The following DLC1 variants were observed in gnomAD, a reference collection of about 807,000 sequenced individuals.
DLC1 encodes the protein DLC1 Rho GTPase activating protein, also known as rho GTPase-activating protein 7.
A neutral mutation model predicts 140.3 loss-of-function variants in DLC1; 54 were observed. That is an observed-to-expected ratio of 0.38 (90% CI 0.31 to 0.48). The LOEUF is 0.48. DLC1 is among the 20% of genes least tolerant of loss of function. DLC1 has a pLI of 0.96. For missense variants in DLC1, 2,536 were observed against 1,907.0 expected (o/e 1.33, Z -6.14); for synonymous variants, 986 against 728.1 (o/e 1.35, Z -5.70).
chr8:13,259,139 G>GAAAAAAAA (rs776038964), intron 5 of DLC1, among the ~76,000 whole-genome samples: 5 of 66,638 alleles, frequency 7.5e-5, no homozygotes, highest in East Asian at 4.2e-4. Flanking sequence ...TCCGTCTCAA[G>GAAAAAAAA]AAAAAAAAAA....
At chr8:13,564,433 C>A (rs927857984) in intron 1 of DLC1, among the ~76,000 whole-genome samples, 3 of 152,192 alleles carry the variant, frequency 2.0e-5, no homozygotes, top group African/African-American at 4.8e-5. Context: ...CAGAACCAAG[C>A]ACAGCGTTAC....
intron 5 of DLC1, among the ~76,000 whole-genome samples, chr8:13,188,841 ATATTTTTTTTT>A (rs1826568685): frequency 1.1e-4 from 3 of 26,708 alleles, no homozygotes; most frequent in South Asian, 1.3e-3. Flanking sequence ...ATATATATAT[ATATTTTTTTTT>A]TTTTTTTTTT....
chr8:13,184,048 G>C (rs982112758), intron 5 of DLC1, among the ~76,000 whole-genome samples: 2 of 152,176 alleles, frequency 1.3e-5, no homozygotes, highest in African/African-American at 4.8e-5. Context: ...TCTTTGGAGG[G>C]TGTATGTGTC....
chr8:13,359,032 G>T (rs184944419), intron 4 of DLC1, among the ~76,000 whole-genome samples: 1 of 152,100 alleles, frequency 6.6e-6, no homozygotes, highest in Non-Finnish European at 1.5e-5. Context: ...TCCGCGTCCC[G>T]GGTTCACGCC....
At chr8:13,294,891 C>T (rs143845940) in intron 5 of DLC1, among the ~76,000 whole-genome samples, 2 of 152,282 alleles carry the variant, frequency 1.3e-5, no homozygotes, top group African/African-American at 2.4e-5. Context: ...GCACCTACCT[C>T]ATAGGGTCGC....
In DLC1 at chr8:13,463,609, G is replaced by T. The variant is rs149738565; in HGVS notation, c.1023+35440C>A. Among the ~76,000 whole-genome samples, 47 of 152,324 alleles carry T rather than the reference G, an allele frequency of 3.1e-4. 1 individual carries two copies. The highest frequency in any genetic ancestry group is 2.5e-3 in the Admixed American group (38 of 15,298). On this transcript the variant is annotated intron_variant, in intron 2 of 17. Transcript: ENST00000276297. ...AAGATTTCTCATAAAATAGACACAA[G>T]AATTCTTTTGTGCTTGGTTTGCTCC...
At chr8:13,417,366 C>G (rs553249420) in intron 2 of DLC1, among the ~76,000 whole-genome samples, 3 of 149,732 alleles carry the variant, frequency 2.0e-5, no homozygotes, top group African/African-American at 4.9e-5. Flanking sequence ...CACCTCCCCC[C>G]ACCCAACAAC....
chr8:13,552,880 G>T (rs1205682354), intron 1 of DLC1, among the ~76,000 whole-genome samples: 1 of 151,738 alleles, frequency 6.6e-6, no homozygotes, highest in Non-Finnish European at 1.5e-5. Context: ...ATCTTTTCTA[G>T]AGAGCATTAA....
intron 4 of DLC1, chr8:13,342,474 A>C (rs1209947983): frequency 6.6e-6 from 1 of 152,202 alleles, no homozygotes; most frequent in Non-Finnish European, 1.5e-5. Flanking sequence ...TTAGTATTTG[A>C]ATCAGTAGGT....
intron 1 of DLC1, among the ~76,000 whole-genome samples, chr8:13,527,191 C>A (rs1260465437): frequency 6.6e-6 from 1 of 152,262 alleles, no homozygotes; most frequent in East Asian, 1.9e-4. Flanking sequence ...CAATGTTGAA[C>A]AACAGCTTTC....
intron 5 of DLC1, among the ~76,000 whole-genome samples, chr8:13,126,272 A>G (rs1348821447): frequency 6.6e-6 from 1 of 152,116 alleles, no homozygotes; most frequent in African/African-American, 2.4e-5. Context: ...TAAGAAGGAA[A>G]TGGATACTGA....
chr8:13,437,425 A>C (rs1472087541), intron 2 of DLC1, among the ~76,000 whole-genome samples: 1 of 152,146 alleles, frequency 6.6e-6, no homozygotes, highest in African/African-American at 2.4e-5. Context: ...TATGTCTTTT[A>C]TTTTCCTACA....
intron 1 of DLC1, among the ~76,000 whole-genome samples, chr8:13,560,494 T>G (rs1475021254): frequency 2.0e-5 from 3 of 152,134 alleles, no homozygotes; most frequent in African/African-American, 4.8e-5. Flanking sequence ...ATTTAACGAT[T>G]TTATTTTTCT....
At chr8:13,466,955 A>C (rs1395309941) in intron 2 of DLC1, among the ~76,000 whole-genome samples, 1 of 50,380 alleles carries the variant, frequency 2.0e-5, no homozygotes, top group Admixed American at 2.0e-4. Context: ...TCACAAAAAA[A>C]AAACCCCTCC....
At chr8:13,596,162 C>A (rs973197528) in intron 1 of DLC1, among the ~76,000 whole-genome samples, 1 of 151,926 alleles carries the variant, frequency 6.6e-6, no homozygotes, top group African/African-American at 2.4e-5. Flanking sequence ...TCAATGGTAT[C>A]ACATCTTATA....
intron 1 of DLC1, among the ~76,000 whole-genome samples, chr8:13,563,116 T>C (rs936717719): frequency 6.6e-6 from 1 of 151,442 alleles, no homozygotes; most frequent in East Asian, 1.9e-4. Flanking sequence ...CCTTTTTACT[T>C]TTTCATTTAT....
intron 4 of DLC1, among the ~76,000 whole-genome samples, chr8:13,373,382 T>A (rs113573540): frequency 0.013 from 1,999 of 152,316 alleles, 67 homozygotes; most frequent in African/African-American, 0.044. Flanking sequence ...TACTTGATTA[T>A]AAATCATTGT....
Position 13,429,369 on chromosome 8 carries a change from T to C in DLC1, c.1024-27750A>G, listed in dbSNP as rs533228989. Reference sequence around the variant, plus strand: ...GGATAAACTGTTGAGTTTTATGCAATGTAAGTATCTGGCCACTATCCCCAT... The same window carrying C: ...GGATAAACTGTTGAGTTTTATGCAACGTAAGTATCTGGCCACTATCCCCAT... On this transcript the variant is annotated intron_variant, in intron 2 of 17. Coordinates refer to ENST00000276297, the MANE Select transcript of DLC1 (RefSeq NM_182643.3). Among the ~76,000 whole-genome samples the C allele has an allele frequency of 5.9e-5, 9 of 152,340 alleles. 1 individual carries two copies. The highest frequency in any genetic ancestry group is 3.3e-4 in the Admixed American group (5 of 15,304).
intron 5 of DLC1, among the ~76,000 whole-genome samples, chr8:13,141,473 C>A (rs1822988852): frequency 6.6e-6 from 1 of 152,094 alleles, no homozygotes; most frequent in African/African-American, 2.4e-5. Flanking sequence ...CTATTTTCAG[C>A]CTTTCACCTT....
Sources: allele counts gnomAD v4.1 joint callset (sites outside exome capture counted in the v4.1 genomes callset), GRCh38; gene constraint gnomAD v4.1.1; transcripts MANE v1.5; gene names NCBI Gene and HGNC (gene_info 2026-07-23, HGNC 2026-07-21).